The following KIRREL3 variants were observed in gnomAD, a reference collection of about 807,000 sequenced individuals.
The protein encoded by KIRREL3 is kirre like nephrin family adhesion molecule 3.
In KIRREL3, 36 loss-of-function variants were observed where a neutral mutation model predicts 89.7. That is an observed-to-expected ratio of 0.40 (90% confidence interval 0.31 to 0.53). The LOEUF is 0.53. Among genes scored for constraint, KIRREL3 ranks in the 20% least tolerant of loss-of-function variants. KIRREL3 has a pLI of 0.49. For missense variants in KIRREL3, 864 were observed against 1,056.6 expected, an observed-to-expected ratio of 0.82 and a Z score of 2.53; for synonymous variants, 445 against 441.4, an observed-to-expected ratio of 1.01 and a Z score of -0.10.
rs1944371938 is a variant in KIRREL3 at position 126,639,052 on chromosome 11, T to G, written c.56-76140A>C. ...TGAAAGGCATCTCTATTTATCTCGC[T>G]GGTGTTTCTCAGTCCTGGGCTGCAT... On this transcript the variant is annotated intron_variant, in intron 1 of 16. Transcript: ENST00000525144. This position sits in a 1 kb window ranked among gnomAD's most constrained non-coding sequence, Gnocchi z 4.3. Among the ~76,000 whole-genome samples the G allele has an allele frequency of 6.6e-6, 1 of 152,248 alleles. No homozygotes were observed. The highest frequency in any genetic ancestry group is 1.5e-5 in the Non-Finnish European group (1 of 68,038).
At chr11:126,548,320 G>A (rs1463202841) in intron 2 of KIRREL3, among the ~76,000 whole-genome samples, 1 of 152,104 alleles carries the variant, frequency 6.6e-6, no homozygotes, top group Non-Finnish European at 1.5e-5. Context: ...TCCCATTGCC[G>A]GTGTCTGGAC....
rs1000256 is a variant in KIRREL3, at chr11:126,490,508, A to T, written c.434-17042T>A. On this transcript the variant is annotated intron_variant, in intron 4 of 16. Coordinates refer to ENST00000525144, the MANE Select transcript of KIRREL3 (RefSeq NM_032531.4). The surrounding 1 kb of genome is among the most constrained non-coding windows in gnomAD (Gnocchi z 4.2). Reference sequence around the variant, plus strand: ...GGGCTGAGATACAACCTCAGTGAACAAGCCACTGGGCCAGGGATGCAGAGC... The same window carrying T: ...GGGCTGAGATACAACCTCAGTGAACTAGCCACTGGGCCAGGGATGCAGAGC... Among the ~76,000 whole-genome samples the T allele has an allele frequency of 6.6e-6, 1 of 151,922 alleles. No individual in the cohort carries two copies. The highest frequency in any genetic ancestry group is 2.1e-4 in the South Asian group (1 of 4,812).
chr11:126,533,295 C>T (rs1958999466), intron 2 of KIRREL3, among the ~76,000 whole-genome samples: 1 of 152,220 alleles, frequency 6.6e-6, no homozygotes, highest in African/African-American at 2.4e-5. Context: ...CCAGAGCAGC[C>T]TCTTTGCGTC....
At position 126,721,717 on chromosome 11, in the gene KIRREL3, C is replaced by T. The variant is rs371813729; in HGVS notation, c.56-158805G>A. ...AGAGAAGTCAGGGGATGAGCTTGAG[C>T]CCCCATAACTGCGCTCTCCCCTAGG... On this transcript the variant is annotated intron_variant, in intron 1 of 16. Transcript: ENST00000525144. Among the ~76,000 whole-genome samples, 3 of 152,248 alleles carry T rather than the reference C, an allele frequency of 2.0e-5. 1 individual carries two copies. The highest frequency in any genetic ancestry group is 7.2e-5 in the African/African-American group (3 of 41,532).
rs1312192370 is a variant in KIRREL3 at position 126,653,969 on chromosome 11, C to T, written c.56-91057G>A. Among the ~76,000 whole-genome samples, 25 of 152,146 alleles carry T rather than the reference C, an allele frequency of 1.6e-4. No individual in the cohort carries two copies. Among genetic ancestry groups the T allele is most frequent in the Admixed American group, 1.6e-3 (25 of 15,262 alleles). On this transcript the variant is annotated intron_variant, in intron 1 of 16. Coordinates refer to ENST00000525144, the MANE Select transcript of KIRREL3 (RefSeq NM_032531.4). The surrounding 1 kb of genome is among the most constrained non-coding windows in gnomAD (Gnocchi z 5.4). ...ATACCACTTCTGCCTAGAGGGTGAC[C>T]CCCACGCCCAGCACATATCTCACCC...
chr11:126,518,133 C>T (rs376257587), intron 4 of KIRREL3, among the ~76,000 whole-genome samples: 9 of 152,216 alleles, frequency 5.9e-5, no homozygotes, highest in African/African-American at 1.9e-4. Flanking sequence ...TTCTGCCTCC[C>T]GAGGTACAAA....
At chr11:126,698,742 C>A (rs1193978356) in intron 1 of KIRREL3, among the ~76,000 whole-genome samples, 1 of 152,230 alleles carries the variant, frequency 6.6e-6, no homozygotes. Context: ...CGCTGCCCAG[C>A]GCCCAAATCC....
chr11:126,758,878 C>CA (rs1372966608), intron 1 of KIRREL3, among the ~76,000 whole-genome samples: 1 of 152,146 alleles, frequency 6.6e-6, no homozygotes, highest in African/African-American at 2.4e-5. Context: ...TTAACCCTTA[C>CA]AAAATGGAAT....
intron 1 of KIRREL3, among the ~76,000 whole-genome samples, chr11:126,838,467 A>G (rs1341953439): frequency 1.3e-5 from 2 of 152,222 alleles, no homozygotes; most frequent in Middle Eastern, 3.4e-3. Context: ...AATTTTGCCA[A>G]CTCTGGAGAA....
At position 126,471,160 on chromosome 11, in the gene KIRREL3, C is replaced by A. The variant is rs1395082426; in HGVS notation, c.591+2149G>T. ...ATCACCTGAGGTCGGGAGTTTGAGA[C>A]CAGCCTGACCAACATGGAGTAACCC... is the stretch of plus-strand genomic sequence containing the variant. On this transcript the variant is annotated intron_variant, in intron 5 of 16. Coordinates refer to ENST00000525144, the MANE Select transcript of KIRREL3 (RefSeq NM_032531.4). This position sits in a 1 kb window ranked among gnomAD's most constrained non-coding sequence, Gnocchi z 5.4. Among the ~76,000 whole-genome samples, 1 of 151,978 alleles carries A rather than the reference C, an allele frequency of 6.6e-6. No individual in the cohort carries two copies. The highest frequency in any genetic ancestry group is 2.4e-5 in the African/African-American group (1 of 41,404).
rs544302429 is a variant in KIRREL3, at chr11:126,981,804, G to A, written c.55+18651C>T. On this transcript the variant is annotated intron_variant, in intron 1 of 16. Transcript: ENST00000525144. This position sits in a 1 kb window ranked among gnomAD's most constrained non-coding sequence, Gnocchi z 4.2. ...GGTGCCTCCCAGCTCTAGGCCTGAG[G>A]TTTCTGTTGACAGTGCCTGGAGGAG... 6.6e-6 allele frequency among the ~76,000 whole-genome samples: 1 copy of A among 152,306 alleles called. No individual in the cohort carries two copies. The highest frequency in any genetic ancestry group is 2.1e-4 in the South Asian group (1 of 4,818).
chr11:126,954,810 A>G lies in KIRREL3; in HGVS notation c.55+45645T>C, dbSNP rs2135159331. ...TTTATCAGAAAGTTTTTTCTCATAGAAGGCAGAAATTTATCTCCTGGAGTG... is the reference window on the plus strand; with the variant it reads ...TTTATCAGAAAGTTTTTTCTCATAGGAGGCAGAAATTTATCTCCTGGAGTG... On this transcript the variant is annotated intron_variant, in intron 1 of 16. Transcript: ENST00000525144. This position sits in a 1 kb window ranked among gnomAD's most constrained non-coding sequence, Gnocchi z 4.1. 6.6e-6 allele frequency among the ~76,000 whole-genome samples: 1 copy of G among 152,292 alleles called. No individual in the cohort carries two copies. The highest frequency in any genetic ancestry group is 6.5e-5 in the Admixed American group (1 of 15,302).
At position 126,627,726 on chromosome 11, in the gene KIRREL3, G is replaced by A. The variant is rs117549983; in HGVS notation, c.56-64814C>T. Among the ~76,000 whole-genome samples the A allele has an allele frequency of 2.9e-3, 438 of 152,350 alleles. 2 individuals carry two copies. Among genetic ancestry groups the A allele is most frequent in the Admixed American group, 4.7e-3 (72 of 15,302 alleles). ...AGAAGGGAGATGGCATTGGCGGCAG[G>A]AGGGAGGGAGAAGAATGTTCTTTAT... On this transcript the variant is annotated intron_variant, in intron 1 of 16. Coordinates refer to ENST00000525144, the MANE Select transcript of KIRREL3 (RefSeq NM_032531.4). This position sits in a 1 kb window ranked among gnomAD's most constrained non-coding sequence, Gnocchi z 5.0.
intron 1 of KIRREL3, among the ~76,000 whole-genome samples, chr11:126,720,233 C>T (rs561406585): frequency 2.0e-5 from 3 of 152,290 alleles, no homozygotes; most frequent in East Asian, 1.9e-4. Flanking sequence ...ACTACTGTAT[C>T]TCCAGTGCTC....
At position 126,867,014 on chromosome 11, in the gene KIRREL3, T is replaced by A. The variant is rs891281020; in HGVS notation, c.55+133441A>T. On this transcript the variant is annotated intron_variant, in intron 1 of 16. Transcript: ENST00000525144. This position sits in a 1 kb window ranked among gnomAD's most constrained non-coding sequence, Gnocchi z 4.7. ...TCTGTCCTTGCGATAAGGCAGAGGG[T>A]CTAATTGAGCTGGTTAACACAAGCT... Among the ~76,000 whole-genome samples, 16 of 151,986 alleles carry A rather than the reference T, an allele frequency of 1.1e-4. No homozygotes were observed. Among genetic ancestry groups the A allele is most frequent in the African/African-American group, 3.9e-4 (16 of 41,370 alleles).
rs1199559404 is a variant in KIRREL3, at chr11:126,684,764, T to C, written c.56-121852A>G. Among the ~76,000 whole-genome samples, 1 of 152,284 alleles carries C rather than the reference T, an allele frequency of 6.6e-6. No homozygotes were observed. The highest frequency in any genetic ancestry group is 3.4e-3 in the Middle Eastern group (1 of 294). On this transcript the variant is annotated intron_variant, in intron 1 of 16. Coordinates refer to ENST00000525144, the MANE Select transcript of KIRREL3 (RefSeq NM_032531.4). The surrounding 1 kb of genome is among the most constrained non-coding windows in gnomAD (Gnocchi z 4.2). ...CCTAATCACTTTGCTTTGGTATTCA[T>C]TAGTCATTTAACACCTCTAAAGAAA...
At chr11:126,618,033 C>G (rs498550) in intron 1 of KIRREL3, among the ~76,000 whole-genome samples, 140,921 of 152,270 alleles carry the variant, frequency 0.93, 65,369 homozygotes, top group East Asian at 1. Context: ...TCATGAATGG[C>G]TTAGCACCAT....
At chr11:126,823,967 C>A (rs750530114) in intron 1 of KIRREL3, among the ~76,000 whole-genome samples, 15 of 152,146 alleles carry the variant, frequency 9.9e-5, no homozygotes, top group Non-Finnish European at 1.8e-4. Context: ...GTAGATTGTT[C>A]TGGATTTGTT....
intron 12 of KIRREL3, 58 bp from the exon 13 acceptor site, chr11:126,435,361 G>A: frequency 6.3e-7 from 1 of 1,588,206 alleles, no homozygotes; most frequent in Non-Finnish European, 8.6e-7. Flanking sequence ...GGGTGGGGTG[G>A]GACTGGGAAT....
Sources: gnomAD v4.1 joint callset for allele counts (sites outside exome capture counted in the v4.1 genomes callset) on GRCh38, gnomAD v4.1.1 for gene constraint, Gnocchi (gnomAD v3.1) non-coding constraint, MANE v1.5 for transcripts, NCBI Gene and HGNC (gene_info 2026-07-23, HGNC 2026-07-21) for gene names.